Variants in TC2N observed in about 807,000 individuals in gnomAD.
TC2N encodes tandem C2 domains, nuclear, also known as tandem C2 domains nuclear protein.
Under a neutral mutation model 61.9 loss-of-function variants are expected in TC2N, and 51 were observed. The observed-to-expected ratio is 0.82, with a 90% CI of 0.66 to 1.04. The LOEUF (loss-of-function observed/expected upper bound fraction) is 1.04, where lower values mean the gene tolerates loss of function less well. Among genes scored for constraint, TC2N ranks in the 50% least tolerant of loss-of-function variants. The pLI is 0.00. For missense variants in TC2N, 556 were observed against 566.7 expected, an observed-to-expected ratio of 0.98 and a Z score of 0.19; for synonymous variants, 204 against 192.6, an observed-to-expected ratio of 1.06 and a Z score of -0.49.
At chr14:91,858,676 C>A (rs1888531906) in intron 1 of TC2N, among the ~76,000 whole-genome samples, 1 of 152,116 alleles carries the variant, frequency 6.6e-6, no homozygotes. Context: ...TGCTATGAGT[C>A]ATTTTTGTTT....
At chr14:91,851,510 C>T (rs1481095064) in intron 1 of TC2N, among the ~76,000 whole-genome samples, 2 of 152,132 alleles carry the variant, frequency 1.3e-5, no homozygotes, top group Non-Finnish European at 2.9e-5. Flanking sequence ...CTGTTTGATG[C>T]TGTTGCCGTA....
chr14:91,815,040 G>C (rs536901721), intron 1 of TC2N, among the ~76,000 whole-genome samples: 6 of 151,564 alleles, frequency 4.0e-5, no homozygotes, highest in South Asian at 2.1e-4. Context: ...GGGTTAGAGA[G>C]GTAGGAGAAC....
intron 8 of TC2N, among the ~76,000 whole-genome samples, chr14:91,793,354 C>A (rs1885749977): frequency 1.3e-5 from 2 of 152,164 alleles, no homozygotes; most frequent in African/African-American, 4.8e-5. Context: ...TTTGAAAAGG[C>A]AAGATATCTG....
intron 1 of TC2N, among the ~76,000 whole-genome samples, chr14:91,850,550 G>A (rs867024230): frequency 6.6e-6 from 1 of 152,204 alleles, no homozygotes; most frequent in African/African-American, 2.4e-5. Context: ...CCTCCTGTGA[G>A]ATCAGTGGCA....
chr14:91,823,311 G>A lies in TC2N; in HGVS notation c.-56-9486C>T, dbSNP rs182727020. ...CAAGGCGGGTGGATCACCTAAGGTC[G>A]GGAGTTCGAGACCAGCCTGACCAAC... On this transcript the variant is annotated intron_variant, in intron 1 of 11. Coordinates refer to ENST00000435962, the MANE Select transcript of TC2N (RefSeq NM_001128596.3). 2.5e-3 allele frequency among the ~76,000 whole-genome samples: 382 copies of A among 151,548 alleles called. 3 individuals carry two copies. Among genetic ancestry groups the A allele is most frequent in the African/African-American group, 8.9e-3 (370 of 41,360 alleles).
chr14:91,780,887 G>C lies in TC2N; in HGVS notation c.*2213C>G, dbSNP rs924337137. ...ATTAGTACCTCCTCACCTGAAAAAGGCTTAAGTAAACACTAATTAAAACAT... is the reference window on the plus strand; with the variant it reads ...ATTAGTACCTCCTCACCTGAAAAAGCCTTAAGTAAACACTAATTAAAACAT... On this transcript the variant is annotated 3_prime_UTR_variant, in exon 12 of 12. Transcript: ENST00000435962. 2.7e-5 allele frequency: 4 copies of C among 148,772 alleles called. No homozygotes were observed. Among genetic ancestry groups the C allele is most frequent in the Non-Finnish European group, 5.9e-5 (4 of 67,932 alleles). The allele number at this position is 148,772 out of a possible 1,614,324, so 9.2% of individuals were successfully genotyped here. A position where few individuals can be genotyped will look rare whatever the true frequency, so the allele number is the denominator to read the frequency against.
intron 6 of TC2N, among the ~76,000 whole-genome samples, 185 bp from the exon 7 acceptor site, chr14:91,798,584 A>G (rs978873177): frequency 2.6e-5 from 4 of 152,020 alleles, no homozygotes; most frequent in East Asian, 1.9e-4. Flanking sequence ...GGGAAGATAT[A>G]TACTATAAAA....
At position 91,847,122 on chromosome 14, in the gene TC2N, G is replaced by A. The variant is rs1006343453; in HGVS notation, c.-57+20140C>T. On this transcript the variant is annotated intron_variant, in intron 1 of 11. Transcript: ENST00000435962. ...AAACTACAAAAATTAGCCAGGCGTT[G>A]TGGTGGGCGCCTATAATCCCAGCTA... Among the ~76,000 whole-genome samples, 5 of 152,298 alleles carry A rather than the reference G, an allele frequency of 3.3e-5. No individual in the cohort carries two copies. In the East Asian group the frequency reaches 9.6e-4, roughly 29 times the overall value.
At chr14:91,816,957 T>TAC (rs1194672887) in intron 1 of TC2N, among the ~76,000 whole-genome samples, 3 of 151,948 alleles carry the variant, frequency 2.0e-5, no homozygotes, top group Non-Finnish European at 2.9e-5. Context: ...AAGTCATCTT[T>TAC]ACCCCTCTTC....
chr14:91,835,499 T>G (rs796852532), intron 1 of TC2N, among the ~76,000 whole-genome samples: 42 of 152,352 alleles, frequency 2.8e-4, no homozygotes, highest in African/African-American at 9.6e-4. Context: ...GCAATCCTTT[T>G]ATATGCTGTA....
At chr14:91,785,056 G>T in intron 11 of TC2N, 106 bp downstream of exon 11, 1 of 681,070 alleles carries the variant, frequency 1.5e-6, no homozygotes. Context: ...TTATGATGCT[G>T]AAGAACTGTA....
chr14:91,846,118 T>C (rs1208361841), intron 1 of TC2N, among the ~76,000 whole-genome samples: 2 of 152,084 alleles, frequency 1.3e-5, no homozygotes, highest in African/African-American at 2.4e-5. Context: ...ATCCAACAGA[T>C]AGACGCTCAG....
intron 3 of TC2N, among the ~76,000 whole-genome samples, chr14:91,808,606 T>C (rs551187519): frequency 1.6e-4 from 24 of 152,330 alleles, no homozygotes; most frequent in African/African-American, 5.5e-4. Context: ...AGTAATTTTC[T>C]CTTTAATATA....
chr14:91,809,087 G>A (rs949687870), intron 3 of TC2N, among the ~76,000 whole-genome samples: 3 of 152,126 alleles, frequency 2.0e-5, no homozygotes, highest in African/African-American at 7.2e-5. Flanking sequence ...GATAGGCCAG[G>A]CACTAGGTTC....
chr14:91,854,631 G>A (rs1888447355), intron 1 of TC2N, among the ~76,000 whole-genome samples: 1 of 152,158 alleles, frequency 6.6e-6, no homozygotes, highest in South Asian at 2.1e-4. Context: ...GTTGTCTTTG[G>A]AGTGTTCCTC....
intron 1 of TC2N, among the ~76,000 whole-genome samples, chr14:91,846,426 G>C (rs1224444345): frequency 3.3e-5 from 5 of 152,082 alleles, no homozygotes; most frequent in African/African-American, 1.2e-4. Flanking sequence ...ACTAGAGAGA[G>C]ATTATCAAAT....
chr14:91,857,215 AT>A (rs1450344454), intron 1 of TC2N, among the ~76,000 whole-genome samples: 13 of 152,214 alleles, frequency 8.5e-5, no homozygotes, highest in Non-Finnish European at 1.6e-4. Flanking sequence ...TCTCAACAAA[AT>A]ATAATTAAAA....
intron 1 of TC2N, among the ~76,000 whole-genome samples, chr14:91,821,099 A>G (rs1428778780): frequency 6.6e-6 from 1 of 152,032 alleles, no homozygotes; most frequent in African/African-American, 2.4e-5. Context: ...AATCCCTTCC[A>G]GCTTTTTTAC....
chr14:91,859,980 T>A (rs1888559004), intron 1 of TC2N, among the ~76,000 whole-genome samples: 1 of 152,174 alleles, frequency 6.6e-6, no homozygotes, highest in Non-Finnish European at 1.5e-5. Flanking sequence ...GTTTTGTCAA[T>A]CCTATTCAGG....
Sources: allele counts gnomAD v4.1 joint callset (sites outside exome capture counted in the v4.1 genomes callset), GRCh38; gene constraint gnomAD v4.1.1; transcripts MANE v1.5; gene names NCBI Gene and HGNC (gene_info 2026-07-23, HGNC 2026-07-21).